Variants in KHDRBS2 observed in about 807,000 individuals in gnomAD.
The protein encoded by KHDRBS2 is KH RNA binding domain containing, signal transduction associated 2.
In KHDRBS2, 26 loss-of-function variants were observed where a neutral mutation model predicts 44.3. The observed-to-expected ratio is 0.59, with a 90% CI of 0.43 to 0.81. The LOEUF is 0.81. KHDRBS2 is among the 40% of genes least tolerant of loss of function. The pLI, the probability that KHDRBS2 is intolerant of heterozygous loss-of-function variation, is 0.00. For synonymous variants in KHDRBS2, 194 were observed against 151.1 expected, an observed-to-expected ratio of 1.28 and a Z score of -2.08; for missense variants, 476 against 433.1, an observed-to-expected ratio of 1.10 and a Z score of -0.88.
intron 6 of KHDRBS2, among the ~76,000 whole-genome samples, chr6:61,748,907 C>T (rs1327318901): frequency 6.6e-6 from 1 of 151,816 alleles, no homozygotes; most frequent in Non-Finnish European, 1.5e-5. Context: ...GGTTAATGGG[C>T]ACTTAAATGT....
chr6:62,126,486 A>AT (rs924142846), intron 2 of KHDRBS2, among the ~76,000 whole-genome samples: 6 of 152,178 alleles, frequency 3.9e-5, no homozygotes, highest in African/African-American at 1.4e-4. Flanking sequence ...TTAAGCAAAG[A>AT]TAGGCAGTAG....
At chr6:62,255,643 C>T (rs1837269797) in intron 1 of KHDRBS2, among the ~76,000 whole-genome samples, 1 of 131,254 alleles carries the variant, frequency 7.6e-6, no homozygotes, top group African/African-American at 2.6e-5. Context: ...CACACACACA[C>T]ACACACACAC....
intron 2 of KHDRBS2, among the ~76,000 whole-genome samples, chr6:62,128,796 T>C (rs1562927780): frequency 2.0e-5 from 3 of 151,788 alleles, no homozygotes; most frequent in African/African-American, 7.3e-5. Context: ...AACGACACAA[T>C]AAAAAATCAA....
chr6:61,798,700 G>A (rs752101881), intron 6 of KHDRBS2, among the ~76,000 whole-genome samples: 1 of 151,668 alleles, frequency 6.6e-6, no homozygotes, highest in African/African-American at 2.4e-5. Flanking sequence ...AGGCATTTTA[G>A]CTTATTTATT....
rs183418950 is a variant in KHDRBS2, at chr6:62,235,257, T to C, written c.91+50601A>G. Among the ~76,000 whole-genome samples the C allele has an allele frequency of 1.1e-4, 16 of 152,114 alleles. No individual in the cohort carries two copies. The East Asian group carries it at 2.7e-3, about 26-fold the overall frequency. ...ACTCTGTTTTATATTTATCTCTCCA[T>C]TGCCTCTAGAGATTCTTATACTGTT... is the stretch of plus-strand genomic sequence containing the variant. On this transcript the variant is annotated intron_variant, in intron 1 of 8. Transcript: ENST00000281156.
At chr6:62,161,816 C>T (rs745754774) in intron 2 of KHDRBS2, among the ~76,000 whole-genome samples, 4 of 151,758 alleles carry the variant, frequency 2.6e-5, no homozygotes, top group Non-Finnish European at 5.9e-5. Flanking sequence ...TTTGTGACTG[C>T]CATGGGCATT....
chr6:61,599,393 AG>A, the KHDRBS2 span, among the ~76,000 whole-genome samples: 1 of 152,196 alleles, frequency 6.6e-6, no homozygotes. Context: ...AAAGTCCCAG[AG>A]GTAACTTTTA....
intron 1 of KHDRBS2, among the ~76,000 whole-genome samples, chr6:62,178,710 C>T (rs1053814492): frequency 6.6e-6 from 1 of 151,278 alleles, no homozygotes; most frequent in Non-Finnish European, 1.5e-5. Flanking sequence ...TTAAAAATTA[C>T]CTTTATGTTT....
the KHDRBS2 span, among the ~76,000 whole-genome samples, chr6:61,596,634 CTT>C: frequency 6.6e-6 from 1 of 151,916 alleles, no homozygotes; most frequent in Non-Finnish European, 1.5e-5. Flanking sequence ...ATTTGTACTT[CTT>C]TTTTTAATTT....
chr6:62,068,802 C>T lies in KHDRBS2; in HGVS notation c.220-20808G>A, dbSNP rs59881801. Among the ~76,000 whole-genome samples, 581 of 151,656 alleles carry T rather than the reference C, an allele frequency of 3.8e-3. 2 individuals carry two copies. Among genetic ancestry groups the T allele is most frequent in the African/African-American group, 0.014 (563 of 41,454 alleles). On this transcript the variant is annotated intron_variant, in intron 2 of 8. Transcript: ENST00000281156. ...GGCATTATTATAAAAAATCAATTGA[C>T]CACAGATTTATGGATTTATTTCTGG...
In KHDRBS2 at chr6:61,930,726, T is replaced by C. The variant is rs1809889947; in HGVS notation, c.484-29355A>G. Among the ~76,000 whole-genome samples, 4 of 114,918 alleles carry C rather than the reference T, an allele frequency of 3.5e-5. No individual in the cohort carries two copies. In the South Asian group the frequency reaches 1.0e-3, roughly 30 times the overall value. 75.4% of individuals were successfully genotyped at this position (114,918 alleles called of 152,430 possible). ...AAAAAGAAAAAGAAAGAAAGACGGC[T>C]AATCAATATAAGTCAACATAAGTCA... On this transcript the variant is annotated intron_variant, in intron 4 of 8. Coordinates refer to ENST00000281156, the MANE Select transcript of KHDRBS2 (RefSeq NM_152688.4).
At chr6:61,893,143 A>G (rs970060175) in intron 6 of KHDRBS2, among the ~76,000 whole-genome samples, 4 of 152,298 alleles carry the variant, frequency 2.6e-5, no homozygotes, top group East Asian at 3.9e-4. Context: ...AAGACACATG[A>G]AAAAATGCTC....
intron 6 of KHDRBS2, among the ~76,000 whole-genome samples, chr6:61,815,949 T>C (rs1179536879): frequency 9.2e-5 from 14 of 152,124 alleles, no homozygotes; most frequent in Admixed American, 1.3e-4. Flanking sequence ...TATTTTATTG[T>C]GGGAAGGATT....
chr6:62,169,375 T>C (rs1819551828), intron 2 of KHDRBS2, among the ~76,000 whole-genome samples: 1 of 151,844 alleles, frequency 6.6e-6, no homozygotes, highest in South Asian at 2.1e-4. Context: ...ATGTTGCCTT[T>C]GTAGAGGCTT....
At chr6:61,647,206 G>GA in the KHDRBS2 span, among the ~76,000 whole-genome samples, 1 of 152,230 alleles carries the variant, frequency 6.6e-6, no homozygotes, top group South Asian at 2.1e-4. Context: ...TAAGATCAAT[G>GA]AAAAATGATG....
chr6:61,900,463 G>A (rs1562400475), intron 5 of KHDRBS2, among the ~76,000 whole-genome samples: 1 of 152,022 alleles, frequency 6.6e-6, no homozygotes, highest in Non-Finnish European at 1.5e-5. Context: ...GTTCTCTGAA[G>A]GCTATGAGTA....
chr6:62,101,000 G>C lies in KHDRBS2; in HGVS notation c.220-53006C>G, dbSNP rs573717552. On this transcript the variant is annotated intron_variant, in intron 2 of 8. Transcript: ENST00000281156. The stretch of plus-strand genomic sequence containing the variant: ...GAGCAGTCCTCCAATAGTTTTACAG[G>C]CAGAAAATCTATCTCTAGTATCTGC... Among the ~76,000 whole-genome samples, 3 of 152,230 alleles carry C rather than the reference G, an allele frequency of 2.0e-5. No homozygotes were observed. The East Asian group carries it at 5.8e-4, about 29-fold the overall frequency.
intron 6 of KHDRBS2, among the ~76,000 whole-genome samples, chr6:61,835,068 A>T (rs931538075): frequency 6.6e-5 from 10 of 151,978 alleles, no homozygotes; most frequent in Non-Finnish European, 2.9e-5. Flanking sequence ...CTTATCACAG[A>T]TTTTACTTTC....
chr6:62,087,605 C>T (rs1261717592), intron 2 of KHDRBS2, among the ~76,000 whole-genome samples: 3 of 152,152 alleles, frequency 2.0e-5, no homozygotes, highest in African/African-American at 4.8e-5. Context: ...CCCGACCTTT[C>T]TCTCTAGTTG....
Sources: allele counts gnomAD v4.1 joint callset (sites outside exome capture counted in the v4.1 genomes callset), GRCh38; gene constraint gnomAD v4.1.1; transcripts MANE v1.5; gene names NCBI Gene and HGNC (gene_info 2026-07-23, HGNC 2026-07-21).